Variants in SMG1 observed in about 807,000 individuals in gnomAD.
The protein encoded by SMG1 is serine/threonine-protein kinase SMG1.
SMG1 carries 22 observed loss-of-function variants against 419.9 expected under a neutral mutation model. That is an observed-to-expected ratio of 0.05 (90% CI 0.04 to 0.07). The LOEUF (loss-of-function observed/expected upper bound fraction) is 0.07, where lower values mean the gene tolerates loss of function less well. Ranked by LOEUF, SMG1 falls within the 10% of genes least tolerant of loss-of-function variation. The probability of loss-of-function intolerance (pLI) is 1.00; values close to 1 mark genes in which losing one functional copy is unlikely to be tolerated. For synonymous variants in SMG1, 1,538 were observed against 1,553.5 expected, an observed-to-expected ratio of 0.99 and a Z score of 0.23; for missense variants, 3,185 against 4,342.0, an observed-to-expected ratio of 0.73 and a Z score of 7.49.
intron 1 of SMG1, among the ~76,000 whole-genome samples, chr16:18,906,475 C>T (rs1440738367): frequency 1.1e-4 from 17 of 151,892 alleles, no homozygotes; most frequent in Admixed American, 1.1e-3. Flanking sequence ...ATAATAAGAG[C>T]GAAACTCCGT....
intron 20 of SMG1, 84 bp downstream of exon 20, chr16:18,869,020 C>T: frequency 1.6e-6 from 2 of 1,255,498 alleles, no homozygotes; most frequent in Non-Finnish European, 2.3e-6. Flanking sequence ...CATATACTCT[C>T]AAATCTTTAA....
Position 18,841,764 on chromosome 16 carries a change from A to G in SMG1, c.6497T>C (p.Ile2166Thr). The stretch of plus-strand genomic sequence containing the variant: ...ATTCACAATAGATAGGAACTGCATT[A>G]TTCTCTCATCCAGATGTAAATCCTC... ...GLEDLHLDER[I>T]MQFLSIVNTM... is the part of the protein sequence containing the mutation. The change falls in exon 41 of 63, where the codon ATA (isoleucine) becomes ACA (threonine). Residue 2166 changes from isoleucine (I) to threonine (T), a missense_variant. Transcript: ENST00000446231. 1 of 1,613,998 alleles carries G rather than the reference A, an allele frequency of 6.2e-7. No individual in the cohort carries two copies. The highest frequency in any genetic ancestry group is 8.5e-7 in the Non-Finnish European group (1 of 1,179,880).
intron 1 of SMG1, among the ~76,000 whole-genome samples, chr16:18,903,979 G>A (rs895827775): frequency 7.6e-6 from 1 of 130,844 alleles, no homozygotes; most frequent in African/African-American, 3.0e-5. Flanking sequence ...GCTCTGTCGC[G>A]CAGGCTGAAG....
intron 41 of SMG1, 24 bp downstream of exon 41, chr16:18,841,541 C>A: frequency 1.9e-6 from 3 of 1,594,902 alleles, no homozygotes; most frequent in African/African-American, 1.3e-5. Flanking sequence ...TAGACTAATA[C>A]ACTGTGTAGA....
chr16:18,919,347 G>A (rs992560964), intron 1 of SMG1, among the ~76,000 whole-genome samples: 18 of 149,964 alleles, frequency 1.2e-4, no homozygotes, highest in African/African-American at 2.4e-4. Flanking sequence ...ATTTATGACC[G>A]GGCACGGTGG....
In SMG1 at chr16:18,834,237, A is replaced by C. The variant is rs1237166891; in HGVS notation, c.8532T>G (p.Val2844=). Reference sequence around the variant, plus strand: ...AGGTATACACTCCATTGGCTAAGTGAACTGTCTCAGACGCTTCCATGGGGT... The same window carrying C: ...AGGTATACACTCCATTGGCTAAGTGCACTGTCTCAGACGCTTCCATGGGGT... ...IPNPMEASET[V]HLANGVYTSL... Residue 2844 remains valine, a synonymous_variant, in exon 50 of 63, where the codon GTT becomes GTG. Transcript: ENST00000446231. The C allele has an allele frequency of 6.2e-7, 1 of 1,605,160 alleles. No individual in the cohort carries two copies. Among genetic ancestry groups the C allele is most frequent in the Non-Finnish European group, 8.5e-7 (1 of 1,175,520 alleles).
intron 9 of SMG1, among the ~76,000 whole-genome samples, chr16:18,882,805 G>A (rs2036456727): frequency 6.6e-6 from 1 of 152,162 alleles, no homozygotes; most frequent in African/African-American, 2.4e-5. Context: ...ATGTGTAATT[G>A]AAGAAGTACG....
At chr16:18,869,020 CA>C (rs2035670081) in intron 20 of SMG1, 83 bp downstream of exon 20, 5 of 1,255,384 alleles carry the variant, frequency 4.0e-6, no homozygotes, top group Non-Finnish European at 5.7e-6. Context: ...CATATACTCT[CA>C]AATCTTTAAC....
At chr16:18,895,777 A>G (rs2037098639) in intron 3 of SMG1, among the ~76,000 whole-genome samples, 3 of 152,160 alleles carry the variant, frequency 2.0e-5, no homozygotes, top group African/African-American at 4.8e-5. Flanking sequence ...TGCTGTAGTA[A>G]GAGCCTACTA....
At chr16:18,819,287 T>C (rs1596466293) in intron 56 of SMG1, among the ~76,000 whole-genome samples, 1 of 150,852 alleles carries the variant, frequency 6.6e-6, no homozygotes, top group East Asian at 1.9e-4. Flanking sequence ...ATTTATTTAA[T>C]TAATATTTAA....
intron 51 of SMG1, 64 bp from the exon 52 acceptor site, chr16:18,830,433 A>C (rs1334836371): frequency 6.4e-7 from 1 of 1,551,160 alleles, no homozygotes; most frequent in African/African-American, 1.4e-5. Context: ...GGGAACATAC[A>C]AAGTCAGTAC....
Position 18,904,372 on chromosome 16 carries a change from C to G in SMG1, c.93-7416G>C, listed in dbSNP as rs181574349. 1.4e-3 allele frequency among the ~76,000 whole-genome samples: 210 copies of G among 152,016 alleles called. 2 individuals are homozygous for G. Among genetic ancestry groups the G allele is most frequent in the Middle Eastern group, 3.4e-3 (1 of 294 alleles). Reference sequence around the variant, plus strand: ...AAAAATGGCCGGGCACGGCGGCTCACGCCTGTAATCCCAGCACTTTGGGAA... The same window carrying G: ...AAAAATGGCCGGGCACGGCGGCTCAGGCCTGTAATCCCAGCACTTTGGGAA... On this transcript the variant is annotated intron_variant, in intron 1 of 62. Coordinates refer to ENST00000446231, the MANE Select transcript of SMG1 (RefSeq NM_015092.5).
chr16:18,919,657 TACACACACACACACAC>T (rs368125844), intron 1 of SMG1, among the ~76,000 whole-genome samples: 12,333 of 125,814 alleles, frequency 0.098, 745 homozygotes, highest in Middle Eastern at 0.19. Context: ...TGTGTATATA[TACACACACACACACAC>T]ACACACACAC....
At chr16:18,888,708 T>C (rs2036747200) in intron 6 of SMG1, among the ~76,000 whole-genome samples, 1 of 151,896 alleles carries the variant, frequency 6.6e-6, no homozygotes, top group Non-Finnish European at 1.5e-5. Context: ...CCTCATGATG[T>C]TTCCACCTCG....
intron 1 of SMG1, among the ~76,000 whole-genome samples, chr16:18,905,309 C>G (rs1488030848): frequency 1.3e-5 from 2 of 152,086 alleles, no homozygotes; most frequent in African/African-American, 2.4e-5. Context: ...CTTTCTCCCT[C>G]TATCAATCTA....
intron 60 of SMG1, among the ~76,000 whole-genome samples, chr16:18,814,860 G>C (rs2031844976): frequency 6.8e-6 from 1 of 147,246 alleles, no homozygotes; most frequent in African/African-American, 2.5e-5. Flanking sequence ...TTATGGGTGT[G>C]AGCCACCTCG....
intron 9 of SMG1, among the ~76,000 whole-genome samples, chr16:18,883,788 G>T (rs148535698): frequency 6.6e-6 from 1 of 151,902 alleles, no homozygotes; most frequent in African/African-American, 2.4e-5. Context: ...GCATGGTGGC[G>T]GGCACCTGTA....
chr16:18,834,500 C>T, intron 49 of SMG1, 62 bp from the exon 50 acceptor site: 1 of 1,482,978 alleles, frequency 6.7e-7, no homozygotes, highest in Non-Finnish European at 9.2e-7. Flanking sequence ...AGGTAACTGG[C>T]CGGGTCAAGG....
At position 18,842,399 on chromosome 16, in the gene SMG1, A is replaced by T; in HGVS notation, c.6275T>A (p.Leu2092His). The T allele has an allele frequency of 6.2e-7, 1 of 1,614,024 alleles. No homozygotes were observed. The highest frequency in any genetic ancestry group is 8.5e-7 in the Non-Finnish European group (1 of 1,179,878). ...AGCCAACCATGGACTGATTTCTTCA[A>T]GACGCAAGATGTAACTTGCACGTTT... ...AQKRASYILRLEEISPWLAAM... is the reference protein window; with the variant it reads ...AQKRASYILRHEEISPWLAAM... The change falls in exon 40 of 63, where the codon CTT becomes CAT. Residue 2092 changes from leucine to histidine, a missense_variant. Leu to His is a moderately conservative substitution (Grantham distance 99). Transcript: ENST00000446231.
Sources: allele counts gnomAD v4.1 joint callset (sites outside exome capture counted in the v4.1 genomes callset), GRCh38; gene constraint gnomAD v4.1.1; transcripts MANE v1.5; gene names NCBI Gene and HGNC (gene_info 2026-07-23, HGNC 2026-07-21).